The following SCHIP1 variants were observed in gnomAD, a reference collection of about 807,000 sequenced individuals.
The protein encoded by SCHIP1 is schwannomin interacting protein 1, also known as schwannomin-interacting protein 1.
SCHIP1 carries 8 observed loss-of-function variants against 29.7 expected under a neutral mutation model. That is an observed-to-expected ratio of 0.27 (90% CI 0.16 to 0.49). SCHIP1 has a LOEUF of 0.49. SCHIP1 is among the 20% of genes least tolerant of loss of function. The pLI is 0.99. For missense variants in SCHIP1, 193 were observed against 294.6 expected (o/e 0.66, Z 2.52); for synonymous variants, 76 against 94.9 (o/e 0.80, Z 1.16).
chr3:159,760,721 T>G, the SCHIP1 span, among the ~76,000 whole-genome samples: 1 of 152,198 alleles, frequency 6.6e-6, no homozygotes, highest in Non-Finnish European at 1.5e-5. Context: ...CCCTGACCCA[T>G]CTAAGGGTTG....
chr3:159,555,744 A>T, the SCHIP1 span, among the ~76,000 whole-genome samples: 1 of 152,208 alleles, frequency 6.6e-6, no homozygotes, highest in East Asian at 1.9e-4. Flanking sequence ...TTGTGTTTCA[A>T]ATTAGAAAAC....
chr3:159,616,072 G>C, the SCHIP1 span, among the ~76,000 whole-genome samples: 5 of 151,366 alleles, frequency 3.3e-5, no homozygotes, highest in African/African-American at 1.2e-4. Flanking sequence ...ATGGGAATGT[G>C]GGGGACAAGT....
chr3:159,725,267 T>G, the SCHIP1 span, among the ~76,000 whole-genome samples: 1 of 144,398 alleles, frequency 6.9e-6, no homozygotes, highest in Middle Eastern at 3.6e-3. Flanking sequence ...TTCTTTTCTT[T>G]TTTCTTTTTT....
the SCHIP1 span, among the ~76,000 whole-genome samples, chr3:159,594,513 A>G: frequency 6.6e-6 from 1 of 152,180 alleles, no homozygotes; most frequent in African/African-American, 2.4e-5. Context: ...ATTTGCACAT[A>G]ATGTCTAAAA....
At chr3:159,825,000 T>A in the SCHIP1 span, among the ~76,000 whole-genome samples, 1 of 152,232 alleles carries the variant, frequency 6.6e-6, no homozygotes, top group African/African-American at 2.4e-5. Context: ...CTGGCCATTT[T>A]GCCTTCTATT....
chr3:159,877,831 G>A (rs747784466), intron 2 of SCHIP1, among the ~76,000 whole-genome samples: 1 of 152,182 alleles, frequency 6.6e-6, no homozygotes, highest in Non-Finnish European at 1.5e-5. Context: ...TAAATAGGCA[G>A]CCTGGCTTTA....
chr3:159,353,678 T>C, the SCHIP1 span, among the ~76,000 whole-genome samples: 1 of 152,198 alleles, frequency 6.6e-6, no homozygotes, highest in South Asian at 2.1e-4. Flanking sequence ...TCGTCCTGTG[T>C]GATACTAAAG....
chr3:159,685,446 T>G, the SCHIP1 span, among the ~76,000 whole-genome samples: 1 of 152,248 alleles, frequency 6.6e-6, no homozygotes. Flanking sequence ...AGATTCTGTT[T>G]AGAATCAACG....
At chr3:159,476,092 G>C in the SCHIP1 span, among the ~76,000 whole-genome samples, 2 of 150,948 alleles carry the variant, frequency 1.3e-5, no homozygotes, top group South Asian at 4.2e-4. Flanking sequence ...AAACTGAAAA[G>C]AATCTTTGGT....
the SCHIP1 span, among the ~76,000 whole-genome samples, chr3:159,608,138 C>T: frequency 1.3e-5 from 2 of 152,126 alleles, no homozygotes; most frequent in Non-Finnish European, 2.9e-5. Flanking sequence ...TCGTTATGGA[C>T]ATCTGAGTTA....
chr3:159,866,530 T>C (rs879488732), intron 2 of SCHIP1, among the ~76,000 whole-genome samples: 2 of 152,114 alleles, frequency 1.3e-5, no homozygotes, highest in Non-Finnish European at 2.9e-5. Context: ...ATTTTTTTTC[T>C]AGCCACAATA....
At chr3:159,307,577 G>C in the SCHIP1 span, among the ~76,000 whole-genome samples, 1 of 152,070 alleles carries the variant, frequency 6.6e-6, no homozygotes, top group South Asian at 2.1e-4. Context: ...GTTTGATAAG[G>C]TTCCACTTGT....
the SCHIP1 span, chr3:159,764,670 C>CGGGGAGGAG: frequency 3.1e-6 from 5 of 1,592,014 alleles, no homozygotes; most frequent in Non-Finnish European, 3.4e-6. The surrounding 1 kb of genome is among the most constrained non-coding windows in gnomAD (Gnocchi z 6.1). Context: ...CGGAGGAGGA[C>CGGGGAGGAG]GGGGAGGAGG....
chr3:159,567,830 G>A, the SCHIP1 span, among the ~76,000 whole-genome samples: 54 of 152,034 alleles, frequency 3.6e-4, no homozygotes, highest in African/African-American at 1.3e-3. Flanking sequence ...TATAATCCTT[G>A]TTTTCAAGTA....
At chr3:159,750,313 ACACACACG>A in the SCHIP1 span, among the ~76,000 whole-genome samples, 1 of 149,906 alleles carries the variant, frequency 6.7e-6, no homozygotes, top group Non-Finnish European at 1.5e-5. Flanking sequence ...ACACACACAC[ACACACACG>A]TATACATATA....
the SCHIP1 span, among the ~76,000 whole-genome samples, chr3:159,828,421 A>ATATATATACGTATATATACG: frequency 2.1e-5 from 2 of 97,200 alleles, no homozygotes; most frequent in Admixed American, 1.0e-4. Flanking sequence ...ATATATACGT[A>ATATATATACGTATATATACG]TATATATACG....
At chr3:159,435,516 T>C in the SCHIP1 span, among the ~76,000 whole-genome samples, 1 of 152,154 alleles carries the variant, frequency 6.6e-6, no homozygotes, top group South Asian at 2.1e-4. Context: ...GCTCTTGTTT[T>C]AGTGTGTCAC....
chr3:159,770,303 A>G, the SCHIP1 span, among the ~76,000 whole-genome samples: 1 of 152,202 alleles, frequency 6.6e-6, no homozygotes, highest in Non-Finnish European at 1.5e-5. Flanking sequence ...CTTGTCACCC[A>G]GGCTGGAGTG....
the SCHIP1 span, among the ~76,000 whole-genome samples, chr3:159,785,082 G>T: frequency 6.6e-6 from 1 of 152,140 alleles, no homozygotes; most frequent in Non-Finnish European, 1.5e-5. Flanking sequence ...TTTTTCCTTG[G>T]TATGGCTGCT....
Sources: allele counts gnomAD v4.1 joint callset (sites outside exome capture counted in the v4.1 genomes callset), GRCh38; gene constraint gnomAD v4.1.1; non-coding constraint Gnocchi (gnomAD v3.1); transcripts MANE v1.5; gene names NCBI Gene and HGNC (gene_info 2026-07-23, HGNC 2026-07-21).